ATF3: variants seen among roughly 807,000 people sequenced by gnomAD.
The protein encoded by ATF3 is cyclic AMP-dependent transcription factor ATF-3.
In ATF3, 10 loss-of-function variants were observed where a neutral mutation model predicts 18.4. The ratio of observed to expected loss-of-function variants is 0.54; its 90% CI spans 0.34 to 0.92. The LOEUF is 0.92. Ranked by LOEUF, ATF3 falls within the 40% of genes least tolerant of loss-of-function variation. The pLI, the probability that ATF3 is intolerant of heterozygous loss-of-function variation, is 0.02. For synonymous variants in ATF3, 78 were observed against 87.9 expected, an observed-to-expected ratio of 0.89 and a Z score of 0.63; for missense variants, 183 against 222.3, an observed-to-expected ratio of 0.82 and a Z score of 1.12.
chr1:212,591,349 A>G (rs1180011166), intron 1 of ATF3, among the ~76,000 whole-genome samples: 1 of 152,200 alleles, frequency 6.6e-6, no homozygotes, highest in Non-Finnish European at 1.5e-5. Flanking sequence ...CTCCTCTTGC[A>G]AGGGAGAAAA....
At chr1:212,592,827 G>A (rs12048268) in intron 1 of ATF3, among the ~76,000 whole-genome samples, 40,941 of 151,880 alleles carry the variant, frequency 0.27, 6,127 homozygotes, top group African/African-American at 0.41. Context: ...CTGCCAGCCC[G>A]ATACATCCAT....
intron 1 of ATF3, among the ~76,000 whole-genome samples, chr1:212,597,311 G>C (rs1052766719): frequency 6.6e-6 from 1 of 152,062 alleles, no homozygotes; most frequent in South Asian, 2.1e-4. Context: ...TAGACACAGC[G>C]CTTATAATCA....
chr1:212,597,425 A>ATCTATCTATCTG (rs1654319645), intron 1 of ATF3, among the ~76,000 whole-genome samples: 1 of 151,794 alleles, frequency 6.6e-6, no homozygotes, highest in African/African-American at 2.4e-5. Flanking sequence ...CTATTTATCT[A>ATCTATCTATCTG]TCTATCTATC....
chr1:212,594,597 G>A (rs1664954264), intron 1 of ATF3, among the ~76,000 whole-genome samples: 1 of 152,148 alleles, frequency 6.6e-6, no homozygotes, highest in Non-Finnish European at 1.5e-5. Context: ...GAGACACAGG[G>A]CAGAAGAGTC....
intron 1 of ATF3, among the ~76,000 whole-genome samples, chr1:212,591,979 T>A (rs1664895570): frequency 6.6e-6 from 1 of 152,186 alleles, no homozygotes; most frequent in East Asian, 1.9e-4. Flanking sequence ...TAAGGACTTC[T>A]TTTAAAATTG....
In ATF3 at chr1:212,618,653, G is replaced by A. The variant is rs1655237039; in HGVS notation, c.348+419G>A. The stretch of plus-strand genomic sequence containing the variant: ...AACAAGTTATTTCCTTAATCCACAA[G>A]CAGTGGTTACACTTGCTTTGCATTC... On this transcript the variant is annotated intron_variant, in intron 3 of 3. Transcript: ENST00000341491. The surrounding 1 kb of genome is among the most constrained non-coding windows in gnomAD (Gnocchi z 4.4). The A allele has an allele frequency of 2.5e-6, 1 of 402,142 alleles. No individual in the cohort carries two copies. Among genetic ancestry groups the A allele is most frequent in the Non-Finnish European group, 4.6e-6 (1 of 216,310 alleles). The allele number at this position is 402,142 out of a possible 1,614,324, so 24.9% of individuals were successfully genotyped here.
rs528252792 is a variant in ATF3 at position 212,590,424 on chromosome 1, G to GT, written c.-4-24594_-4-24593insT. Among the ~76,000 whole-genome samples the GT allele has an allele frequency of 2.2e-5, 3 of 135,416 alleles. No homozygotes were observed. In the East Asian group the frequency reaches 7.2e-4, roughly 33 times the overall value. The allele number at this position is 135,416 out of a possible 152,430, so 88.8% of individuals were successfully genotyped here. On this transcript the variant is annotated intron_variant, in intron 1 of 3. Coordinates refer to the ATF3 transcript ENST00000366981. Reference sequence around the variant, plus strand: ...TGTCAAATAAATCCTTTTAAAAACTGCAAAAAAAAAATGTCACATAAGCAT... The same window carrying GT: ...TGTCAAATAAATCCTTTTAAAAACTGTCAAAAAAAAAATGTCACATAAGCAT...
chr1:212,570,822 C>T (rs533390427), intron 1 of ATF3, among the ~76,000 whole-genome samples: 1 of 152,254 alleles, frequency 6.6e-6, no homozygotes, highest in East Asian at 1.9e-4. Flanking sequence ...TAAAAGTAAG[C>T]TTTCATTATA....
At chr1:212,605,926 G>A (rs1465879884), upstream of ATF3, among the ~76,000 whole-genome samples, 1 of 152,200 alleles carries the variant, frequency 6.6e-6, no homozygotes, top group Non-Finnish European at 1.5e-5. Context: ...CCTAGCCAGG[G>A]CTTCCTTCTA....
At chr1:212,579,029 T>G (rs1387712802) in intron 1 of ATF3, among the ~76,000 whole-genome samples, 1 of 101,502 alleles carries the variant, frequency 9.9e-6, no homozygotes, top group Non-Finnish European at 2.1e-5. Context: ...TTTTTTTTTT[T>G]GAGACAGAGT....
At chr1:212,598,404 GAATAATCACATCTT>G (rs1654379310) in intron 1 of ATF3, among the ~76,000 whole-genome samples, 1 of 152,100 alleles carries the variant, frequency 6.6e-6, no homozygotes, top group South Asian at 2.1e-4. Flanking sequence ...ATGCAAGATG[GAATAATCACATCTT>G]GGGAAATGGG....
intron 1 of ATF3, among the ~76,000 whole-genome samples, chr1:212,568,188 G>T (rs1664417183): frequency 6.6e-6 from 1 of 152,130 alleles, no homozygotes; most frequent in Non-Finnish European, 1.5e-5. Flanking sequence ...TTCACATGGA[G>T]AGTGGTCAAT....
At chr1:212,571,962 T>TCACG (rs1452938307) in intron 1 of ATF3, among the ~76,000 whole-genome samples, 5 of 151,726 alleles carry the variant, frequency 3.3e-5, no homozygotes, top group Non-Finnish European at 7.4e-5. Flanking sequence ...TCCGCCCGGC[T>TCACG]CGGCCTCCCA....
At chr1:212,581,130 C>T (rs752937905) in intron 1 of ATF3, among the ~76,000 whole-genome samples, 6 of 152,206 alleles carry the variant, frequency 3.9e-5, no homozygotes, top group Non-Finnish European at 7.3e-5. Context: ...GAAGACAAAA[C>T]TTTTGACTTG....
intron 1 of ATF3, among the ~76,000 whole-genome samples, chr1:212,566,375 A>G (rs1664383302): frequency 6.6e-6 from 1 of 152,184 alleles, no homozygotes; most frequent in Non-Finnish European, 1.5e-5. Flanking sequence ...GACCTTGGAC[A>G]AGGACACCCC....
chr1:212,567,056 G>A (rs970805292), intron 1 of ATF3, among the ~76,000 whole-genome samples: 23 of 152,136 alleles, frequency 1.5e-4, no homozygotes, highest in African/African-American at 5.1e-4. Context: ...ATGTTGCAGC[G>A]AAAGCGAAAT....
chr1:212,605,962 G>T (rs1654612533), upstream of ATF3, among the ~76,000 whole-genome samples: 1 of 152,216 alleles, frequency 6.6e-6, no homozygotes, highest in Non-Finnish European at 1.5e-5. Context: ...TCTTTTGTTT[G>T]CATGGAGAAG....
intron 1 of ATF3, among the ~76,000 whole-genome samples, chr1:212,588,419 A>C (rs1247764580): frequency 6.6e-6 from 1 of 150,962 alleles, no homozygotes. Flanking sequence ...GGGTGTCACC[A>C]CCGGGACACA....
chr1:212,571,692 G>A (rs1258092294), intron 1 of ATF3, among the ~76,000 whole-genome samples: 1 of 146,678 alleles, frequency 6.8e-6, no homozygotes, highest in Non-Finnish European at 1.5e-5. Context: ...TTACAGACGT[G>A]AACCACCGCG....
Sources: gnomAD v4.1 joint callset for allele counts (sites outside exome capture counted in the v4.1 genomes callset) on GRCh38, gnomAD v4.1.1 for gene constraint, Gnocchi (gnomAD v3.1) non-coding constraint, MANE v1.5 for transcripts, NCBI Gene and HGNC (gene_info 2026-07-23, HGNC 2026-07-21) for gene names.